ADGRV1: variants seen among roughly 807,000 people sequenced by gnomAD.
ADGRV1 encodes G-protein coupled receptor 98.
ADGRV1 carries 359 observed loss-of-function variants against 596.2 expected under a neutral mutation model. The ratio of observed to expected loss-of-function variants is 0.60; its 90% CI spans 0.55 to 0.66. The LOEUF is 0.66. ADGRV1 is among the 30% of genes least tolerant of loss of function. The pLI, the probability that ADGRV1 is intolerant of heterozygous loss-of-function variation, is 0.00. For missense variants in ADGRV1, 7,274 were observed against 7,575.6 expected (o/e 0.96, Z 1.48); for synonymous variants, 2,681 against 2,679.2 (o/e 1.00, Z -0.02).
chr5:90,637,779 A>G lies in ADGRV1; in HGVS notation c.2071A>G (p.Ser691Gly), dbSNP rs1338369193. ...GTDGQATVYW[S>G]LKPSGFNSKA... ...TGATGGCCAGGCTACTGTCTACTGG[A>G]GTTTGAAGCCCTCTGGCTTTAATTC... is the stretch of plus-strand genomic sequence containing the variant. The change falls in exon 11 of 90, where the codon AGT (serine) becomes GGT (glycine). Residue 691 changes from serine (S) to glycine (G), a missense_variant. By Grantham distance (56) the Ser-to-Gly change is moderately conservative. This residue lies in a region of ADGRV1 where 1,715 missense variants were observed against 1,708.8 expected (regional missense o/e 1.00). Coordinates refer to ENST00000405460, the MANE Select transcript of ADGRV1 (RefSeq NM_032119.4). The G allele has an allele frequency of 2.5e-6, 4 of 1,613,550 alleles. No homozygotes were observed.
intron 1 of ADGRV1, among the ~76,000 whole-genome samples, chr5:90,591,897 GA>G (rs1343463900): frequency 3.9e-5 from 6 of 152,198 alleles, no homozygotes; most frequent in Admixed American, 3.3e-4. Context: ...TGAGGTGGGT[GA>G]TTTAATTTCA....
intron 1 of ADGRV1, among the ~76,000 whole-genome samples, chr5:90,579,925 A>T (rs914337822): frequency 3.9e-5 from 6 of 151,932 alleles, no homozygotes; most frequent in African/African-American, 1.5e-4. Flanking sequence ...AGAGACTAGG[A>T]TTGCAACCCC....
rs372004490 is a variant in ADGRV1, at chr5:90,732,895, A to G, written c.10549+3131A>G. ...ACAGTTTTGACCTCTGAAATCCTCT[A>G]AAAGGGTTTCAGTGTCTCTTAGATC... On this transcript the variant is annotated intron_variant, in intron 50 of 89. Transcript: ENST00000405460. Among the ~76,000 whole-genome samples the G allele has an allele frequency of 7.2e-5, 11 of 152,344 alleles. No homozygotes were observed. In the East Asian group the frequency reaches 2.1e-3, roughly 29 times the overall value.
At chr5:90,798,488 A>G (rs1295089910) in intron 70 of ADGRV1, among the ~76,000 whole-genome samples, 2 of 152,352 alleles carry the variant, frequency 1.3e-5, no homozygotes, top group South Asian at 2.1e-4. Flanking sequence ...GCCGAATTCT[A>G]CCAGAGGTAC....
rs564165886 is a variant in ADGRV1, at chr5:91,119,447, G to A, written c.18432+17107G>A. ...CAGGCCCTGAAGCACTTTGAAAATCGTCCCTAATTGTCTTTTGCCTCTGTG... is the reference window on the plus strand; with the variant it reads ...CAGGCCCTGAAGCACTTTGAAAATCATCCCTAATTGTCTTTTGCCTCTGTG... On this transcript the variant is annotated intron_variant, in intron 87 of 89. Coordinates refer to ENST00000405460, the MANE Select transcript of ADGRV1 (RefSeq NM_032119.4). 7.6e-4 allele frequency among the ~76,000 whole-genome samples: 115 copies of A among 152,266 alleles called. 1 individual carries two copies. The highest frequency in any genetic ancestry group is 2.7e-3 in the African/African-American group (113 of 41,554).
chr5:90,888,843 G>A (rs1034992411), intron 83 of ADGRV1, among the ~76,000 whole-genome samples: 21 of 151,962 alleles, frequency 1.4e-4, no homozygotes, highest in Admixed American at 7.2e-4. Context: ...TCCTTTCACT[G>A]TATTTTTACT....
chr5:91,106,920 A>G (rs1791926793), intron 87 of ADGRV1, among the ~76,000 whole-genome samples: 1 of 152,358 alleles, frequency 6.6e-6, no homozygotes, highest in Admixed American at 6.5e-5. Context: ...AGTTGCGGGT[A>G]GAAAAGAAAG....
chr5:91,042,667 A>G (rs1785465112), intron 85 of ADGRV1, among the ~76,000 whole-genome samples: 2 of 152,150 alleles, frequency 1.3e-5, no homozygotes, highest in African/African-American at 4.8e-5. Flanking sequence ...TTTAATCTGA[A>G]TTGAGTTTCA....
At chr5:90,657,447 CATAA>C (rs1418190737) in intron 20 of ADGRV1, among the ~76,000 whole-genome samples, 3 of 151,730 alleles carry the variant, frequency 2.0e-5, no homozygotes, top group Non-Finnish European at 4.4e-5. Flanking sequence ...CTCTAAAGTA[CATAA>C]ATAAATAAAT....
intron 77 of ADGRV1, among the ~76,000 whole-genome samples, chr5:90,830,624 C>T (rs1764445806): frequency 6.6e-6 from 1 of 152,114 alleles, no homozygotes; most frequent in Non-Finnish European, 1.5e-5. Context: ...ATAAGTGATT[C>T]TTTGCAAAAT....
rs538611564 is a variant in ADGRV1, at chr5:90,593,037, T to C, written c.23-21798T>C. Reference sequence around the variant, plus strand: ...AGCTCAACCATTGTGGAACACAGTGTGGTGATTCCTCAAGGACCTAGAACT... The same window carrying C: ...AGCTCAACCATTGTGGAACACAGTGCGGTGATTCCTCAAGGACCTAGAACT... On this transcript the variant is annotated intron_variant, in intron 1 of 89. Transcript: ENST00000405460. 2.6e-5 allele frequency among the ~76,000 whole-genome samples: 4 copies of C among 152,330 alleles called. No individual in the cohort carries two copies. The South Asian group carries it at 8.3e-4, about 32-fold the overall frequency.
chr5:90,573,901 TAG>T (rs67034590), intron 1 of ADGRV1, among the ~76,000 whole-genome samples: 4,539 of 152,316 alleles, frequency 0.03, 100 homozygotes, highest in Non-Finnish European at 0.046. Flanking sequence ...ATTTATTGAA[TAG>T]AGAGTCTTTT....
chr5:91,111,009 T>C (rs1219269709), intron 87 of ADGRV1, among the ~76,000 whole-genome samples: 3 of 152,186 alleles, frequency 2.0e-5, no homozygotes, highest in Non-Finnish European at 4.4e-5. Flanking sequence ...TAAAAATATA[T>C]AGTCCATCTT....
intron 59 of ADGRV1, among the ~76,000 whole-genome samples, chr5:90,767,802 T>G (rs2150036672): frequency 6.6e-6 from 1 of 152,338 alleles, no homozygotes; most frequent in Middle Eastern, 3.4e-3. Flanking sequence ...TGATGCCCTC[T>G]GGCAGTCTAT....
intron 77 of ADGRV1, among the ~76,000 whole-genome samples, chr5:90,831,182 A>G (rs1324843459): frequency 6.6e-6 from 1 of 151,950 alleles, no homozygotes; most frequent in African/African-American, 2.4e-5. Flanking sequence ...CTCAGCCTCC[A>G]TAACTGCATG....
intron 83 of ADGRV1, among the ~76,000 whole-genome samples, chr5:90,939,188 C>T (rs182645842): frequency 2.0e-5 from 3 of 152,240 alleles, no homozygotes; most frequent in Non-Finnish European, 1.5e-5. Flanking sequence ...GTTTAAACCT[C>T]AAAGTTACAT....
chr5:91,056,614 G>A lies in ADGRV1; in HGVS notation c.18153-15833G>A, dbSNP rs114740197. 7.5e-3 allele frequency among the ~76,000 whole-genome samples: 1,138 copies of A among 152,030 alleles called. 15 individuals are homozygous for A. Among genetic ancestry groups the A allele is most frequent in the African/African-American group, 0.025 (1,044 of 41,450 alleles). ...AATGCCCAATGACAGTAGAATGGTC[G>A]TCATTGGGTTCTTTGGCAACGTCTT... On this transcript the variant is annotated intron_variant, in intron 85 of 89. Transcript: ENST00000405460.
intron 77 of ADGRV1, among the ~76,000 whole-genome samples, chr5:90,834,658 C>T (rs936585671): frequency 6.6e-6 from 1 of 151,854 alleles, no homozygotes; most frequent in Non-Finnish European, 1.5e-5. Flanking sequence ...TATTCTGTAA[C>T]CTTCTTGTAC....
intron 64 of ADGRV1, chr5:90,779,918 C>T (rs1758658281): frequency 6.6e-6 from 1 of 152,098 alleles, no homozygotes; most frequent in Admixed American, 6.6e-5. Context: ...AAATATGTTA[C>T]TCAGTGACTT....
Sources: allele counts gnomAD v4.1 joint callset (sites outside exome capture counted in the v4.1 genomes callset), GRCh38; gene constraint gnomAD v4.1.1; regional missense constraint gnomAD v4.1.1; transcripts MANE v1.5; gene names NCBI Gene and HGNC (gene_info 2026-07-23, HGNC 2026-07-21).